Variants in ABCA3 observed in about 807,000 individuals in gnomAD.
ABCA3 encodes the protein ATP binding cassette subfamily A member 3.
A neutral mutation model predicts 172.8 loss-of-function variants in ABCA3; 88 were observed. The ratio of observed to expected loss-of-function variants is 0.51; its 90% confidence interval spans 0.43 to 0.61. The LOEUF is 0.61. ABCA3 is among the 20% of genes least tolerant of loss of function. The pLI, the probability that ABCA3 is intolerant of heterozygous loss-of-function variation, is 0.00. For missense variants in ABCA3, 2,164 were observed against 2,301.0 expected (o/e 0.94, Z 1.22); for synonymous variants, 1,066 against 983.8 (o/e 1.08, Z -1.56).
In ABCA3 at chr16:2,281,580, CGGGGGTGG is replaced by C; in HGVS notation, c.4036-79_4036-72del. ...GCGGCTTCCGTGGAGAAGGGAGGGG[CGGGGGTGG>C]ATGTGGGAGGTCTGGTGGGACTAAG... On this transcript the variant is annotated intron_variant, in intron 26 of 32. Coordinates refer to ENST00000301732, the MANE Select transcript of ABCA3 (RefSeq NM_001089.3). The surrounding 1 kb of genome is among the most constrained non-coding windows in gnomAD (Gnocchi z 4.7). 4 of 319,062 alleles carry C rather than the reference CGGGGGTGG, an allele frequency of 1.3e-5. No individual in the cohort carries two copies. The highest frequency in any genetic ancestry group is 2.3e-5 in the South Asian group (1 of 43,096). The allele number at this position is 319,062 out of a possible 1,614,324, so 19.8% of individuals were successfully genotyped here. A position where few individuals can be genotyped will look rare whatever the true frequency, so the allele number is the denominator to read the frequency against.
In ABCA3 at chr16:2,287,027, C is replaced by A. The variant is rs1276666792; in HGVS notation, c.3005-60G>T. ...AGAGGTGACACCTGGGCACCCCCTG[C>A]CACCTGAGCATGGCTAATCAGGGAC... On this transcript the variant is annotated intron_variant, in intron 21 of 32. Coordinates refer to ENST00000301732, the MANE Select transcript of ABCA3 (RefSeq NM_001089.3). The surrounding 1 kb of genome is among the most constrained non-coding windows in gnomAD (Gnocchi z 4.1). 1.5e-5 allele frequency: 24 copies of A among 1,570,124 alleles called. No individual in the cohort carries two copies. Among genetic ancestry groups the A allele is most frequent in the Middle Eastern group, 1.7e-4 (1 of 5,738 alleles).
intron 1 of ABCA3, among the ~76,000 whole-genome samples, chr16:2,333,308 G>T (rs2093746354): frequency 6.6e-6 from 1 of 152,158 alleles, no homozygotes; most frequent in Admixed American, 6.6e-5. Context: ...AAGGCATAGA[G>T]AAATCCACTC....
intron 11 of ABCA3, among the ~76,000 whole-genome samples, chr16:2,304,476 G>C (rs1046137823): frequency 4.0e-5 from 6 of 151,454 alleles, no homozygotes; most frequent in Admixed American, 2.0e-4. Context: ...GGCCAACGTG[G>C]GTCAATGTGC....
At chr16:2,317,792 G>A in intron 8 of ABCA3, 28 bp from the exon 9 acceptor site, 1 of 1,607,240 alleles carries the variant, frequency 6.2e-7, no homozygotes, top group Non-Finnish European at 8.5e-7. Flanking sequence ...CACGCTGCTG[G>A]GGGCCCGTCA....
intron 7 of ABCA3, among the ~76,000 whole-genome samples, chr16:2,321,504 A>G (rs1194929716): frequency 1.3e-5 from 2 of 152,138 alleles, no homozygotes; most frequent in African/African-American, 4.8e-5. Flanking sequence ...AACTTCCATG[A>G]GTTCTGTCTC....
At chr16:2,333,367 T>C (rs572719290) in intron 1 of ABCA3, among the ~76,000 whole-genome samples, 5 of 152,202 alleles carry the variant, frequency 3.3e-5, no homozygotes, top group African/African-American at 4.8e-5. Flanking sequence ...CGCCCCAAGA[T>C]GCACAAAGAG....
At position 2,288,035 on chromosome 16, in the gene ABCA3, C is replaced by T. The variant is rs1452044092; in HGVS notation, c.2995G>A (p.Glu999Lys). Reference protein sequence around the residue: ...ALQAEGQEPREVLGDLEEFLI... With the variant: ...ALQAEGQEPRKVLGDLEEFLI... ...CCGGGATGCCCCTTACCGAGCACCT[C>T]GCGGGGCTCCTGTCCCTCAGCCTGC... is the stretch of plus-strand genomic sequence containing the variant. The change falls in exon 21 of 33, where the codon GAG becomes AAG. Residue 999 changes from glutamate (E) to lysine (K), a missense_variant. Glu to Lys is a moderately conservative substitution (Grantham distance 56). Coordinates refer to ENST00000301732, the MANE Select transcript of ABCA3 (RefSeq NM_001089.3). 10 of 1,607,306 alleles carry T rather than the reference C, an allele frequency of 6.2e-6. No homozygotes were observed. Among genetic ancestry groups the T allele is most frequent in the African/African-American group, 5.3e-5 (4 of 74,934 alleles).
chr16:2,324,809 G>A (rs916647234), intron 5 of ABCA3, among the ~76,000 whole-genome samples: 1 of 152,116 alleles, frequency 6.6e-6, no homozygotes, highest in Non-Finnish European at 1.5e-5. Flanking sequence ...GCAAGGCCCA[G>A]GGGAGCAAAC....
Position 2,277,171 on chromosome 16 carries a change from C to T in ABCA3, c.4984-366G>A, listed in dbSNP as rs2093647842. 6.6e-6 allele frequency among the ~76,000 whole-genome samples: 1 copy of T among 152,298 alleles called. No homozygotes were observed. Among genetic ancestry groups the T allele is most frequent in the African/African-American group, 2.4e-5 (1 of 41,560 alleles). Reference sequence around the variant, plus strand: ...AGTGCAGTGGCACAATCATAGCTCACTGCAGTCTCGAACTCCCAGGCTCAA... The same window carrying T: ...AGTGCAGTGGCACAATCATAGCTCATTGCAGTCTCGAACTCCCAGGCTCAA... On this transcript the variant is annotated intron_variant, in intron 32 of 32. Coordinates refer to ENST00000301732, the MANE Select transcript of ABCA3 (RefSeq NM_001089.3). The surrounding 1 kb of genome is among the most constrained non-coding windows in gnomAD (Gnocchi z 5.3).
intron 1 of ABCA3, among the ~76,000 whole-genome samples, chr16:2,330,593 G>A (rs986652866): frequency 6.6e-6 from 1 of 151,710 alleles, no homozygotes; most frequent in African/African-American, 2.4e-5. Flanking sequence ...GTGTTGGGAT[G>A]ACAGGTGTGA....
At chr16:2,340,361 A>G (rs1297299712) in intron 1 of ABCA3, among the ~76,000 whole-genome samples, 1 of 151,706 alleles carries the variant, frequency 6.6e-6, no homozygotes, top group Non-Finnish European at 1.5e-5. Context: ...CGGCACCTGC[A>G]GGGAGCGCCC....
chr16:2,318,059 T>A (rs947252813), intron 8 of ABCA3, among the ~76,000 whole-genome samples: 2 of 152,224 alleles, frequency 1.3e-5, no homozygotes, highest in African/African-American at 2.4e-5. Context: ...TTCCTGGTAC[T>A]TGAGATCGTC....
intron 19 of ABCA3, among the ~76,000 whole-genome samples, chr16:2,291,612 GC>G (rs1484105046): frequency 6.6e-6 from 1 of 152,212 alleles, no homozygotes; most frequent in African/African-American, 2.4e-5. Flanking sequence ...GGCAGTGCAG[GC>G]CCCTCACGTG....
chr16:2,304,862 A>G (rs917037910), intron 11 of ABCA3, among the ~76,000 whole-genome samples: 1 of 151,864 alleles, frequency 6.6e-6, no homozygotes, highest in African/African-American at 2.4e-5. Context: ...TTTTTAGTAG[A>G]GACGGGGTTT....
chr16:2,295,005 CAAAT>C (rs2093677516), intron 18 of ABCA3, among the ~76,000 whole-genome samples: 2 of 152,042 alleles, frequency 1.3e-5, no homozygotes, highest in African/African-American at 2.4e-5. Flanking sequence ...AAATAAATAA[CAAAT>C]AAAATAAATA....
chr16:2,309,732 C>A (rs1221209001), intron 10 of ABCA3, among the ~76,000 whole-genome samples: 1 of 152,166 alleles, frequency 6.6e-6, no homozygotes, highest in Admixed American at 6.6e-5. Flanking sequence ...GTCCTCCCAC[C>A]TCCGGCTAGG....
At chr16:2,302,845 A>G (rs1023481144) in intron 12 of ABCA3, among the ~76,000 whole-genome samples, 1 of 150,642 alleles carries the variant, frequency 6.6e-6, no homozygotes, top group Non-Finnish European at 1.5e-5. Context: ...TTGGAGTGCA[A>G]TGGCACAGTC....
At chr16:2,319,532 C>T (rs2093722272) in intron 8 of ABCA3, 49 bp downstream of exon 8, 8 of 1,600,396 alleles carry the variant, frequency 5.0e-6, no homozygotes, top group Non-Finnish European at 6.8e-6. Flanking sequence ...ATGGCCTCCC[C>T]AGGACAGCGC....
At chr16:2,303,929 C>G in intron 12 of ABCA3, 40 bp downstream of exon 12, 1 of 1,612,920 alleles carries the variant, frequency 6.2e-7, no homozygotes, top group Non-Finnish European at 8.5e-7. Flanking sequence ...CCTCTGCACT[C>G]AGAGAGGCGG....
Sources: allele counts gnomAD v4.1 joint callset (sites outside exome capture counted in the v4.1 genomes callset), GRCh38; gene constraint gnomAD v4.1.1; non-coding constraint Gnocchi (gnomAD v3.1); transcripts MANE v1.5; gene names NCBI Gene and HGNC (gene_info 2026-07-23, HGNC 2026-07-21).